The following HS6ST3 variants were observed in gnomAD, a reference collection of about 807,000 sequenced individuals.
HS6ST3 encodes heparan sulfate 6-O-sulfotransferase 3, also known as heparan-sulfate 6-O-sulfotransferase 3.
In HS6ST3, 12 loss-of-function variants were observed where a neutral mutation model predicts 36.7. The observed-to-expected ratio is 0.33, with a 90% CI of 0.21 to 0.53. The LOEUF is 0.53. HS6ST3 is among the 20% of genes least tolerant of loss of function. The probability of loss-of-function intolerance (pLI) is 0.95; values close to 1 mark genes in which losing one functional copy is unlikely to be tolerated. For missense variants in HS6ST3, 584 were observed against 640.9 expected (o/e 0.91, Z 0.96); for synonymous variants, 240 against 257.5 (o/e 0.93, Z 0.65).
Position 96,600,574 on chromosome 13 carries a change from G to A in HS6ST3, c.708-231916G>A, listed in dbSNP as rs1358215870. ...TATATGAACCTTTACAAGTTAATTG[G>A]GTCCCTTGAAGACAGCATATATTTG... On this transcript the variant is annotated intron_variant, in intron 1 of 1. Transcript: ENST00000376705. Among the ~76,000 whole-genome samples, 3 of 151,824 alleles carry A rather than the reference G, an allele frequency of 2.0e-5. No homozygotes were observed. In the East Asian group the frequency reaches 5.8e-4, roughly 29 times the overall value.
At chr13:96,108,739 A>G (rs1157911263) in intron 1 of HS6ST3, among the ~76,000 whole-genome samples, 3 of 152,226 alleles carry the variant, frequency 2.0e-5, no homozygotes, top group Admixed American at 1.3e-4. Flanking sequence ...GGTAAAGGAC[A>G]GAGAAGAGAG....
At chr13:96,805,902 A>G (rs145942480) in intron 1 of HS6ST3, among the ~76,000 whole-genome samples, 3 of 152,314 alleles carry the variant, frequency 2.0e-5, no homozygotes, top group African/African-American at 7.2e-5. Flanking sequence ...CAAAAAACCT[A>G]TCAGAAACTA....
chr13:96,109,710 A>G (rs994637679), intron 1 of HS6ST3, among the ~76,000 whole-genome samples: 2 of 152,190 alleles, frequency 1.3e-5, no homozygotes, highest in Non-Finnish European at 2.9e-5. Context: ...ATGAAGATCC[A>G]AAAGTGGCCC....
At chr13:96,139,244 C>T (rs144942829) in intron 1 of HS6ST3, among the ~76,000 whole-genome samples, 5 of 152,014 alleles carry the variant, frequency 3.3e-5, no homozygotes, top group African/African-American at 1.2e-4. Flanking sequence ...ATGTTAATAA[C>T]TATGGTATGT....
At chr13:96,526,176 A>G (rs993549775) in intron 1 of HS6ST3, among the ~76,000 whole-genome samples, 1 of 152,168 alleles carries the variant, frequency 6.6e-6, no homozygotes, top group Non-Finnish European at 1.5e-5. Flanking sequence ...TGTATTATGC[A>G]TATGGGAAGA....
chr13:96,296,458 A>G (rs1231126091), intron 1 of HS6ST3, among the ~76,000 whole-genome samples: 2 of 152,136 alleles, frequency 1.3e-5, no homozygotes, highest in Admixed American at 1.3e-4. Context: ...ATACCTGGGT[A>G]AATCACAGGA....
intron 1 of HS6ST3, among the ~76,000 whole-genome samples, chr13:96,566,695 G>T (rs1448777541): frequency 6.6e-6 from 1 of 152,136 alleles, no homozygotes; most frequent in Non-Finnish European, 1.5e-5. Flanking sequence ...CTTAGCTGTG[G>T]TGTAAACAAT....
intron 1 of HS6ST3, among the ~76,000 whole-genome samples, chr13:96,235,692 C>G (rs2054531434): frequency 6.6e-6 from 1 of 152,078 alleles, no homozygotes; most frequent in Non-Finnish European, 1.5e-5. Context: ...ACACCTTTAC[C>G]TCCAAATCCT....
At chr13:96,555,161 T>C (rs2056235754) in intron 1 of HS6ST3, among the ~76,000 whole-genome samples, 1 of 151,980 alleles carries the variant, frequency 6.6e-6, no homozygotes. Context: ...TGCTTGAAAA[T>C]TGCTAAGAGA....
At chr13:96,376,525 G>T (rs1466851779) in intron 1 of HS6ST3, among the ~76,000 whole-genome samples, 1 of 152,108 alleles carries the variant, frequency 6.6e-6, no homozygotes, top group Non-Finnish European at 1.5e-5. Context: ...AAATTGAATT[G>T]CATCAAAACT....
intron 1 of HS6ST3, among the ~76,000 whole-genome samples, chr13:96,404,214 A>T (rs1469716738): frequency 6.6e-6 from 1 of 152,138 alleles, no homozygotes; most frequent in Non-Finnish European, 1.5e-5. Flanking sequence ...TTTAAATCAC[A>T]TTTTATTTTT....
chr13:96,625,088 C>G (rs890516859), intron 1 of HS6ST3, among the ~76,000 whole-genome samples: 6 of 152,158 alleles, frequency 3.9e-5, no homozygotes, highest in African/African-American at 1.4e-4. Flanking sequence ...GGAGTAGCAA[C>G]CTGTAGGCTG....
chr13:96,436,448 A>G (rs1015982482), intron 1 of HS6ST3, among the ~76,000 whole-genome samples: 3 of 152,194 alleles, frequency 2.0e-5, no homozygotes, highest in African/African-American at 7.2e-5. Context: ...TTCCTTGATG[A>G]TTAAAAACCA....
At chr13:96,440,899 C>G (rs144159170) in intron 1 of HS6ST3, among the ~76,000 whole-genome samples, 1 of 152,164 alleles carries the variant, frequency 6.6e-6, no homozygotes, top group African/African-American at 2.4e-5. Flanking sequence ...AAGAAATAGA[C>G]GGAGGACTGC....
intron 1 of HS6ST3, among the ~76,000 whole-genome samples, chr13:96,382,804 T>C (rs2055347840): frequency 6.6e-6 from 1 of 152,240 alleles, no homozygotes; most frequent in Non-Finnish European, 1.5e-5. Flanking sequence ...TATGAAGAAC[T>C]ATATTATTAA....
chr13:96,775,994 T>G (rs1350354147), intron 1 of HS6ST3, among the ~76,000 whole-genome samples: 1 of 152,074 alleles, frequency 6.6e-6, no homozygotes, highest in East Asian at 1.9e-4. Context: ...AATAGTCTCT[T>G]GGACCACAGT....
At chr13:96,522,698 T>C (rs569513496) in intron 1 of HS6ST3, among the ~76,000 whole-genome samples, 1 of 145,022 alleles carries the variant, frequency 6.9e-6, no homozygotes, top group South Asian at 2.2e-4. Flanking sequence ...TGTGTGTGTG[T>C]GCTTTCCATT....
intron 1 of HS6ST3, among the ~76,000 whole-genome samples, chr13:96,710,491 AAC>A (rs1289213732): frequency 6.6e-6 from 1 of 152,278 alleles, no homozygotes; most frequent in African/African-American, 2.4e-5. Context: ...TTCTCAGGTG[AAC>A]ACAAGTAACA....
intron 1 of HS6ST3, among the ~76,000 whole-genome samples, chr13:96,544,547 T>C (rs981183568): frequency 6.6e-6 from 1 of 152,168 alleles, no homozygotes; most frequent in African/African-American, 2.4e-5. Context: ...AATGATCAAA[T>C]AGGGGCTTGA....
Sources: allele counts gnomAD v4.1 joint callset (sites outside exome capture counted in the v4.1 genomes callset), GRCh38; gene constraint gnomAD v4.1.1; transcripts MANE v1.5; gene names NCBI Gene and HGNC (gene_info 2026-07-23, HGNC 2026-07-21).